RALGAPA1: variants seen among roughly 807,000 people sequenced by gnomAD.
RALGAPA1 encodes the protein ral GTPase-activating protein subunit alpha-1.
In RALGAPA1, 52 loss-of-function variants were observed where a neutral mutation model predicts 269.6. The ratio of observed to expected loss-of-function variants is 0.19; its 90% CI spans 0.15 to 0.24. The LOEUF is 0.24. Among genes scored for constraint, RALGAPA1 ranks in the 10% least tolerant of loss-of-function variants. RALGAPA1 has a pLI of 1.00. For synonymous variants in RALGAPA1, 817 were observed against 1,008.3 expected, an observed-to-expected ratio of 0.81 and a Z score of 3.60; for missense variants, 1,917 against 3,013.9, an observed-to-expected ratio of 0.64 and a Z score of 8.52.
chr14:35,581,017 C>G (rs2057914620), intron 37 of RALGAPA1, among the ~76,000 whole-genome samples: 1 of 152,066 alleles, frequency 6.6e-6, no homozygotes, highest in African/African-American at 2.4e-5. Context: ...CTAATGATAT[C>G]CAATTGTTCA....
chr14:35,570,036 G>A (rs1254578524), intron 39 of RALGAPA1, among the ~76,000 whole-genome samples: 6 of 152,028 alleles, frequency 3.9e-5, no homozygotes, highest in African/African-American at 7.2e-5. Flanking sequence ...TTGGGAGGCC[G>A]AGGCGGGCGG....
chr14:35,653,933 A>G (rs1016031408), intron 30 of RALGAPA1, among the ~76,000 whole-genome samples: 1 of 152,246 alleles, frequency 6.6e-6, no homozygotes, highest in Non-Finnish European at 1.5e-5. Flanking sequence ...AAAGCAACAT[A>G]CATGTTTATA....
intron 37 of RALGAPA1, among the ~76,000 whole-genome samples, chr14:35,593,092 A>G (rs1010952437): frequency 3.9e-5 from 6 of 152,200 alleles, no homozygotes; most frequent in African/African-American, 1.4e-4. Flanking sequence ...ATGATATGCT[A>G]TGTAGAAAGC....
chr14:35,760,590 C>T (rs537620359), intron 6 of RALGAPA1, among the ~76,000 whole-genome samples: 2 of 152,226 alleles, frequency 1.3e-5, no homozygotes, highest in African/African-American at 4.8e-5. Flanking sequence ...GTGCTTCCCC[C>T]ACATAGCCCT....
chr14:35,595,894 T>G, intron 36 of RALGAPA1, 105 bp from the exon 37 acceptor site: 1 of 806,954 alleles, frequency 1.2e-6, no homozygotes, highest in Non-Finnish European at 1.9e-6. Flanking sequence ...AACAAAGTCT[T>G]TTGCATGTTA....
chr14:35,757,779 A>G (rs2073317489), intron 6 of RALGAPA1, among the ~76,000 whole-genome samples: 1 of 152,198 alleles, frequency 6.6e-6, no homozygotes, highest in African/African-American at 2.4e-5. Flanking sequence ...AACAATTAGT[A>G]CCTGGTAAAC....
At chr14:35,711,555 C>T (rs1313161195) in intron 16 of RALGAPA1, among the ~76,000 whole-genome samples, 1 of 152,206 alleles carries the variant, frequency 6.6e-6, no homozygotes, top group Non-Finnish European at 1.5e-5. Flanking sequence ...TCAAGAGATC[C>T]TCCTACCTCA....
At chr14:35,606,747 T>C (rs1334201010) in intron 35 of RALGAPA1, among the ~76,000 whole-genome samples, 2 of 138,476 alleles carry the variant, frequency 1.4e-5, no homozygotes, top group Admixed American at 1.4e-4. Flanking sequence ...TACTATACCA[T>C]GTAGGAATTA....
chr14:35,748,181 T>C (rs1461146661), intron 10 of RALGAPA1, among the ~76,000 whole-genome samples: 2 of 151,934 alleles, frequency 1.3e-5, no homozygotes, highest in Non-Finnish European at 2.9e-5. Flanking sequence ...TATCACAAAC[T>C]AAAATATATA....
intron 14 of RALGAPA1, among the ~76,000 whole-genome samples, chr14:35,724,422 A>AT (rs913004786): frequency 3.9e-5 from 6 of 152,124 alleles, no homozygotes; most frequent in African/African-American, 1.2e-4. Flanking sequence ...TCTTAAAAAA[A>AT]TTTTTTGTTT....
At chr14:35,649,436 G>A (rs909472644) in intron 31 of RALGAPA1, among the ~76,000 whole-genome samples, 13 of 152,066 alleles carry the variant, frequency 8.5e-5, no homozygotes, top group African/African-American at 2.9e-4. Flanking sequence ...GAAGTACCAC[G>A]TTCATAGTGT....
Position 35,539,624 on chromosome 14 carries a change from G to A in RALGAPA1, c.*90C>T. Reference sequence around the variant, plus strand: ...GCTAGTTCGAGGAGACATTGGAGAGGCCAGGTCAGCCCCATCTACCTGCGT... The same window carrying A: ...GCTAGTTCGAGGAGACATTGGAGAGACCAGGTCAGCCCCATCTACCTGCGT... On this transcript the variant is annotated 3_prime_UTR_variant, in exon 42 of 42. Transcript: ENST00000680220. 6.2e-7 allele frequency: 1 copy of A among 1,614,122 alleles called. No individual in the cohort carries two copies. The highest frequency in any genetic ancestry group is 1.7e-4 in the Middle Eastern group (1 of 6,042).
Position 35,539,513 on chromosome 14 carries a change from T to G in RALGAPA1, c.*201A>C. ...CCTATGTTCGTGCTAAGGTGGCTAC[T>G]GCTGATCACTGCTGGGCTGCTTGTC... On this transcript the variant is annotated 3_prime_UTR_variant, in exon 42 of 42. Coordinates refer to ENST00000680220, the MANE Select transcript of RALGAPA1 (RefSeq NM_001346249.2). 1 of 1,607,148 alleles carries G rather than the reference T, an allele frequency of 6.2e-7. No individual in the cohort carries two copies. Among genetic ancestry groups the G allele is most frequent in the South Asian group, 1.1e-5 (1 of 90,156 alleles).
chr14:35,596,056 G>A (rs185014588), intron 36 of RALGAPA1, among the ~76,000 whole-genome samples: 77 of 152,064 alleles, frequency 5.1e-4, no homozygotes, highest in African/African-American at 1.8e-3. Context: ...AGGTGTTAAT[G>A]GTAAATTATA....
intron 16 of RALGAPA1, among the ~76,000 whole-genome samples, chr14:35,707,950 A>T (rs1485894922): frequency 6.6e-6 from 1 of 151,982 alleles, no homozygotes; most frequent in African/African-American, 2.4e-5. Flanking sequence ...AGAACCCAGA[A>T]ATAAATCTAC....
chr14:35,672,577 A>G (rs10132954), intron 25 of RALGAPA1, among the ~76,000 whole-genome samples: 52,832 of 151,906 alleles, frequency 0.35, 12,692 homozygotes, highest in African/African-American at 0.67. Context: ...AAAGAAAGGT[A>G]TCAGCCTAAG....
intron 31 of RALGAPA1, among the ~76,000 whole-genome samples, chr14:35,636,303 C>T (rs927860551): frequency 6.6e-6 from 1 of 152,124 alleles, no homozygotes; most frequent in Non-Finnish European, 1.5e-5. Flanking sequence ...TAAAGAATCA[C>T]AAATAGTGCC....
rs748500373 is a variant in RALGAPA1 at position 35,711,614 on chromosome 14, A to G, written c.2266+10074T>C. Among the ~76,000 whole-genome samples, 8 of 152,068 alleles carry G rather than the reference A, an allele frequency of 5.3e-5. 1 individual carries two copies. The South Asian group carries it at 1.0e-3, about 20-fold the overall frequency. On this transcript the variant is annotated intron_variant, in intron 16 of 41. Transcript: ENST00000680220. ...AGATGTGAGCCACCACACCTGACTA[A>G]TTTTTTGATTTTTTTTGTAGAGACA...
At position 35,627,889 on chromosome 14, in the gene RALGAPA1, C is replaced by A. The variant is rs1244258083; in HGVS notation, c.6058G>T (p.Val2020Leu). Residue 2020 changes from valine (V) to leucine (L), a missense_variant, in exon 34 of 42, where the codon GTA (valine) becomes TTA (leucine). Physicochemically the swap from Val to Leu is conservative, Grantham distance 32. Around this residue, in one of 11 missense-constraint regions of RALGAPA1, gnomAD observed 346 missense variants for 566.1 expected, o/e 0.61. Coordinates refer to ENST00000680220, the MANE Select transcript of RALGAPA1 (RefSeq NM_001346249.2). ...IAARTVITHL[V>L]NHLGHYPMSG... ...ATTGGATAATGGCCCAGGTGATTTA[C>A]CAGATGTGTAATAACAGTGCGGGCT... is the stretch of plus-strand genomic sequence containing the variant. The A allele has an allele frequency of 1.9e-6, 3 of 1,563,604 alleles. No homozygotes were observed. In the Admixed American group the frequency reaches 5.7e-5, roughly 30 times the overall value.
Sources: gnomAD v4.1 joint callset for allele counts (sites outside exome capture counted in the v4.1 genomes callset) on GRCh38, gnomAD v4.1.1 for gene constraint, gnomAD v4.1.1 regional missense constraint, MANE v1.5 for transcripts, NCBI Gene and HGNC (gene_info 2026-07-23, HGNC 2026-07-21) for gene names.